Variants in GALNT1 observed in about 807,000 individuals in gnomAD.
GALNT1 encodes polypeptide N-acetylgalactosaminyltransferase 1, also known as GalNAc transferase 1.
A neutral mutation model predicts 65.7 loss-of-function variants in GALNT1; 17 were observed. That is an observed-to-expected ratio of 0.26 (90% CI 0.18 to 0.39). The LOEUF (loss-of-function observed/expected upper bound fraction) is 0.39, where lower values mean the gene tolerates loss of function less well. Ranked by LOEUF, GALNT1 falls within the 10% of genes least tolerant of loss-of-function variation. The pLI, the probability that GALNT1 is intolerant of heterozygous loss-of-function variation, is 1.00. For missense variants in GALNT1, 460 were observed against 672.8 expected (o/e 0.68, Z 3.50); for synonymous variants, 210 against 219.7 (o/e 0.96, Z 0.39).
intron 2 of GALNT1, among the ~76,000 whole-genome samples, chr18:35,658,584 A>G (rs2047429533): frequency 6.6e-6 from 1 of 152,128 alleles, no homozygotes; most frequent in Non-Finnish European, 1.5e-5. Flanking sequence ...CTAGTGACAA[A>G]TTTCTGTGGT....
intron 1 of GALNT1, among the ~76,000 whole-genome samples, chr18:35,615,013 G>A (rs1006015290): frequency 3.3e-5 from 5 of 151,876 alleles, no homozygotes; most frequent in Non-Finnish European, 5.9e-5. Context: ...TCCTATAAAC[G>A]TATCAATTAA....
At chr18:35,696,436 GC>G (rs2048058632) in intron 9 of GALNT1, among the ~76,000 whole-genome samples, 2 of 152,236 alleles carry the variant, frequency 1.3e-5, no homozygotes, top group African/African-American at 4.8e-5. Flanking sequence ...TTCAGCTAAC[GC>G]TGACGTTCGT....
chr18:35,687,884 G>T (rs1195286972), intron 6 of GALNT1, among the ~76,000 whole-genome samples: 3 of 152,094 alleles, frequency 2.0e-5, no homozygotes, highest in Non-Finnish European at 4.4e-5. Flanking sequence ...CCAGGCTTCA[G>T]CTTTTCTGTT....
chr18:35,703,040 T>C, intron 10 of GALNT1, 45 bp downstream of exon 10: 1 of 1,179,186 alleles, frequency 8.5e-7, no homozygotes. Flanking sequence ...TTTCAGATTG[T>C]TTTTACTTTG....
At chr18:35,658,629 G>A (rs1424107717) in intron 2 of GALNT1, among the ~76,000 whole-genome samples, 1 of 152,100 alleles carries the variant, frequency 6.6e-6, no homozygotes, top group Non-Finnish European at 1.5e-5. Flanking sequence ...GAGGATCAGG[G>A]AGAGGGAATG....
intron 1 of GALNT1, among the ~76,000 whole-genome samples, chr18:35,622,419 CTT>C (rs1195801947): frequency 6.6e-6 from 1 of 151,736 alleles, no homozygotes; most frequent in Non-Finnish European, 1.5e-5. Flanking sequence ...GACTGGCTAA[CTT>C]TTGTATTTTT....
At chr18:35,687,838 C>T (rs933231587) in intron 6 of GALNT1, among the ~76,000 whole-genome samples, 13 of 151,926 alleles carry the variant, frequency 8.6e-5, no homozygotes, top group Non-Finnish European at 1.3e-4. Flanking sequence ...CCCATTGTAC[C>T]GACCTGCTAC....
chr18:35,676,666 G>C (rs1018159219), intron 3 of GALNT1, among the ~76,000 whole-genome samples: 2 of 152,196 alleles, frequency 1.3e-5, no homozygotes, highest in African/African-American at 4.8e-5. Flanking sequence ...AAGGAAGAAA[G>C]AGGAGGGTGG....
intron 7 of GALNT1, 103 bp from the exon 8 acceptor site, chr18:35,690,909 C>A: frequency 9.1e-7 from 1 of 1,093,170 alleles, no homozygotes; most frequent in Non-Finnish European, 1.3e-6. Context: ...AAACAAAAGC[C>A]AAACCCCTAT....
intron 3 of GALNT1, chr18:35,664,036 G>T: frequency 4.4e-6 from 2 of 457,666 alleles, no homozygotes; most frequent in Non-Finnish European, 3.9e-6. Context: ...TAATGGATTA[G>T]AAGGGGATTT....
At position 35,601,446 on chromosome 18, in the gene GALNT1, TC is replaced by T. The variant is rs890939547; in HGVS notation, c.-104+19586del. The stretch of plus-strand genomic sequence containing the variant: ...ATTTTTTGGTCTCAATTTACTTTTT[TC>T]CTGTTCTTTATTATTTTTTCCTTCT... On this transcript the variant is annotated intron_variant, in intron 1 of 11. Transcript: ENST00000269195. 4.9e-4 allele frequency among the ~76,000 whole-genome samples: 74 copies of T among 152,224 alleles called. 1 individual carries two copies. Among genetic ancestry groups the T allele is most frequent in the African/African-American group, 1.7e-3 (70 of 41,580 alleles).
chr18:35,592,641 C>A (rs2046458944), intron 1 of GALNT1, among the ~76,000 whole-genome samples: 1 of 152,090 alleles, frequency 6.6e-6, no homozygotes, highest in South Asian at 2.1e-4. Flanking sequence ...AAGCAGATCA[C>A]CCCTGCTGCA....
intron 1 of GALNT1, among the ~76,000 whole-genome samples, chr18:35,600,772 T>C (rs967880254): frequency 6.6e-6 from 1 of 152,206 alleles, no homozygotes; most frequent in Non-Finnish European, 1.5e-5. Context: ...TATTCTTGCA[T>C]CACTGGGAAG....
intron 2 of GALNT1, among the ~76,000 whole-genome samples, chr18:35,659,434 G>C (rs1384848799): frequency 2.0e-5 from 3 of 152,130 alleles, no homozygotes; most frequent in African/African-American, 7.2e-5. Flanking sequence ...TTTTATACCT[G>C]AGGCTATCTG....
chr18:35,600,338 G>A (rs1038857630), intron 1 of GALNT1, among the ~76,000 whole-genome samples: 33 of 152,074 alleles, frequency 2.2e-4, no homozygotes, highest in Admixed American at 2.1e-3. Context: ...TGATGTTGGT[G>A]TGTATTAATG....
At chr18:35,581,590 C>CAGCG (rs1568009681), upstream of GALNT1, 1 of 9,888 alleles carries the variant, frequency 1.0e-4, no homozygotes, top group Non-Finnish European at 1.5e-4. Flanking sequence ...GCAGGCGGCG[C>CAGCG]GCATGCGGGG....
intron 9 of GALNT1, among the ~76,000 whole-genome samples, chr18:35,701,687 A>T (rs995245745): frequency 6.6e-6 from 1 of 152,190 alleles, no homozygotes; most frequent in Non-Finnish European, 1.5e-5. Context: ...ATATCAGGAA[A>T]ACGGGAAATT....
intron 1 of GALNT1, 42 bp downstream of exon 1, chr18:35,581,904 C>CG (rs201999116): frequency 1 from 148,198 of 148,342 alleles, 74,052 homozygotes; most frequent in Middle Eastern, 1. Flanking sequence ...GGAGCCGCAG[C>CG]GCTGCGCGCG....
Position 35,621,006 on chromosome 18 carries a change from C to T in GALNT1, c.-103-33554C>T, listed in dbSNP as rs532800832. Among the ~76,000 whole-genome samples, 69 of 152,150 alleles carry T rather than the reference C, an allele frequency of 4.5e-4. 2 individuals are homozygous for T. In the South Asian group the frequency reaches 9.3e-3, roughly 21 times the overall value. Reference sequence around the variant, plus strand: ...GAGTGTCCCATTTCCTTATTTCTTACTAGTTGTGTTTTTGCCAGTTTGATG... The same window carrying T: ...GAGTGTCCCATTTCCTTATTTCTTATTAGTTGTGTTTTTGCCAGTTTGATG... On this transcript the variant is annotated intron_variant, in intron 1 of 11. Transcript: ENST00000269195.
Sources: allele counts gnomAD v4.1 joint callset (sites outside exome capture counted in the v4.1 genomes callset), GRCh38; gene constraint gnomAD v4.1.1; transcripts MANE v1.5; gene names NCBI Gene and HGNC (gene_info 2026-07-23, HGNC 2026-07-21).